The following GALK2 variants were observed in gnomAD, a reference collection of about 807,000 sequenced individuals.
The protein encoded by GALK2 is N-acetylgalactosamine kinase.
In GALK2, 36 loss-of-function variants were observed where a neutral mutation model predicts 52.4. The ratio of observed to expected loss-of-function variants is 0.69; its 90% CI spans 0.53 to 0.91. GALK2 has a LOEUF of 0.91. Among genes scored for constraint, GALK2 ranks in the 40% least tolerant of loss-of-function variants. The pLI, the probability that GALK2 is intolerant of heterozygous loss-of-function variation, is 0.00. For missense variants in GALK2, 579 were observed against 559.1 expected (o/e 1.04, Z -0.36); for synonymous variants, 176 against 199.1 (o/e 0.88, Z 0.98).
chr15:49,175,876 T>TC (rs1412339523), intron 1 of GALK2, among the ~76,000 whole-genome samples: 1 of 152,032 alleles, frequency 6.6e-6, no homozygotes, highest in Non-Finnish European at 1.5e-5. Context: ...AGTGTATGCA[T>TC]CCCCCAGTCA....
At chr15:49,317,761 G>A (rs1685562886) in intron 8 of GALK2, among the ~76,000 whole-genome samples, 1 of 152,174 alleles carries the variant, frequency 6.6e-6, no homozygotes, top group South Asian at 2.1e-4. Flanking sequence ...CCTTTACAGG[G>A]ACATGGATGA....
Position 49,319,872 on chromosome 15 carries a change from T to C in GALK2, c.1169+67T>C, listed in dbSNP as rs2036744754. 4 of 1,357,312 alleles carry C rather than the reference T, an allele frequency of 2.9e-6. No individual in the cohort carries two copies. In the South Asian group the frequency reaches 3.9e-5, roughly 13 times the overall value. The allele number at this position is 1,357,312 out of a possible 1,614,324, so 84.1% of individuals were successfully genotyped here. A position where few individuals can be genotyped will look rare whatever the true frequency, so the allele number is the denominator to read the frequency against. On this transcript the variant is annotated intron_variant, in intron 9 of 9. Transcript: ENST00000560031. The stretch of plus-strand genomic sequence containing the variant: ...TATTGTTTAAATTAATGGAAAAAAA[T>C]GCAACATTTCATAATCTACGGGAAT...
chr15:49,274,949 C>CT (rs1308374833), intron 5 of GALK2, among the ~76,000 whole-genome samples: 1 of 151,940 alleles, frequency 6.6e-6, no homozygotes, highest in Non-Finnish European at 1.5e-5. Flanking sequence ...GAAGACCTGT[C>CT]TTGAGACTGT....
chr15:49,272,800 C>T (rs1483998490), intron 5 of GALK2, among the ~76,000 whole-genome samples: 1 of 152,214 alleles, frequency 6.6e-6, no homozygotes, highest in East Asian at 1.9e-4. Flanking sequence ...TCCCATGGGC[C>T]TAGGATCCCA....
At chr15:49,227,286 G>C (rs2090188454) in intron 3 of GALK2, among the ~76,000 whole-genome samples, 1 of 152,052 alleles carries the variant, frequency 6.6e-6, no homozygotes, top group African/African-American at 2.4e-5. Flanking sequence ...AATAATATTT[G>C]CTTTATATAT....
At chr15:49,161,259 A>G (rs1247181135) in intron 1 of GALK2, among the ~76,000 whole-genome samples, 3 of 152,208 alleles carry the variant, frequency 2.0e-5, no homozygotes, top group Admixed American at 6.5e-5. Context: ...GCCATGACCA[A>G]ATTTATTAAG....
intron 1 of GALK2, among the ~76,000 whole-genome samples, chr15:49,180,114 A>T (rs963427330): frequency 3.3e-5 from 5 of 152,190 alleles, no homozygotes; most frequent in Non-Finnish European, 5.9e-5. Flanking sequence ...GTCTAGGAAA[A>T]TGACAAAGTT....
At chr15:49,214,752 T>C (rs892412142) in intron 2 of GALK2, among the ~76,000 whole-genome samples, 3 of 152,228 alleles carry the variant, frequency 2.0e-5, no homozygotes, top group Non-Finnish European at 2.9e-5. Context: ...TATGAGTGTT[T>C]TAACACTATA....
chr15:49,291,167 T>TC (rs1173423601), intron 7 of GALK2, among the ~76,000 whole-genome samples: 1 of 152,040 alleles, frequency 6.6e-6, no homozygotes, highest in African/African-American at 2.4e-5. Flanking sequence ...TTTTTTTTTT[T>TC]TGCTTTTTGT....
intron 5 of GALK2, among the ~76,000 whole-genome samples, chr15:49,261,473 A>G (rs1232135517): frequency 6.6e-6 from 1 of 152,030 alleles, no homozygotes; most frequent in Non-Finnish European, 1.5e-5. Context: ...TTGGGCTGAG[A>G]CAATGGGGTT....
chr15:49,225,458 TG>T (rs1389469144), intron 3 of GALK2: 1 of 319,300 alleles, frequency 3.1e-6, no homozygotes, highest in Admixed American at 4.2e-5. Flanking sequence ...GGACTGCATG[TG>T]GGAGGGATCT....
chr15:49,350,973 C>T (rs1232114875), intron 3 of GALK2, among the ~76,000 whole-genome samples: 1 of 152,220 alleles, frequency 6.6e-6, no homozygotes, highest in Non-Finnish European at 1.5e-5. Flanking sequence ...CCACCATGTA[C>T]CACTGAGCAC....
intron 1 of GALK2, among the ~76,000 whole-genome samples, chr15:49,190,823 A>C (rs899713150): frequency 6.6e-6 from 1 of 152,150 alleles, no homozygotes; most frequent in Non-Finnish European, 1.5e-5. Context: ...TTGTTTCTGT[A>C]TGTCACTTCT....
chr15:49,162,683 C>T (rs1410356014), intron 1 of GALK2, among the ~76,000 whole-genome samples: 1 of 152,204 alleles, frequency 6.6e-6, no homozygotes, highest in Non-Finnish European at 1.5e-5. Context: ...GAAAGATGAT[C>T]TCCTGTGCTG....
At chr15:49,242,882 C>T (rs558069400) in intron 5 of GALK2, among the ~76,000 whole-genome samples, 102 of 152,298 alleles carry the variant, frequency 6.7e-4, no homozygotes, top group Non-Finnish European at 1.4e-3. Context: ...TCTCAAAAAT[C>T]ATTTCCAAAC....
intron 3 of GALK2, among the ~76,000 whole-genome samples, chr15:49,355,980 C>A (rs2151350187): frequency 6.6e-6 from 1 of 151,340 alleles, no homozygotes; most frequent in Middle Eastern, 3.4e-3. Flanking sequence ...ATTTCATATC[C>A]AGCCAAACTA....
intron 5 of GALK2, among the ~76,000 whole-genome samples, chr15:49,281,705 AG>A (rs2032722093): frequency 6.6e-6 from 1 of 152,256 alleles, no homozygotes; most frequent in Admixed American, 6.5e-5. Flanking sequence ...GTAAATAGAA[AG>A]ATGGTAGAAA....
At chr15:49,260,804 C>T (rs2092067850) in intron 5 of GALK2, among the ~76,000 whole-genome samples, 1 of 152,112 alleles carries the variant, frequency 6.6e-6, no homozygotes, top group Non-Finnish European at 1.5e-5. Context: ...GTTTTCCCAG[C>T]ACCATTTATT....
chr15:49,287,643 T>A (rs1407431961), intron 7 of GALK2, among the ~76,000 whole-genome samples: 4 of 152,226 alleles, frequency 2.6e-5, no homozygotes, highest in Admixed American at 2.0e-4. Flanking sequence ...TATCTCAATC[T>A]GACCAAACTT....
Sources: gnomAD v4.1 joint callset for allele counts (sites outside exome capture counted in the v4.1 genomes callset) on GRCh38, gnomAD v4.1.1 for gene constraint, MANE v1.5 for transcripts, NCBI Gene and HGNC (gene_info 2026-07-23, HGNC 2026-07-21) for gene names.